CDH4: variants seen among roughly 807,000 people sequenced by gnomAD.
CDH4 encodes cadherin-4.
A neutral mutation model predicts 86.0 loss-of-function variants in CDH4; 33 were observed. That is an observed-to-expected ratio of 0.38 (90% CI 0.29 to 0.51). CDH4 has a LOEUF of 0.51. Ranked by LOEUF, CDH4 falls within the 20% of genes least tolerant of loss-of-function variation. The probability of loss-of-function intolerance (pLI) is 0.86; values close to 1 mark genes in which losing one functional copy is unlikely to be tolerated. For missense variants in CDH4, 1,114 were observed against 1,307.4 expected (o/e 0.85, Z 2.28); for synonymous variants, 555 against 549.4 (o/e 1.01, Z -0.14).
rs192291798 is a variant in CDH4, at chr20:61,408,162, G to T, written c.169+153225G>T. Among the ~76,000 whole-genome samples the T allele has an allele frequency of 3.4e-3, 519 of 152,124 alleles. 7 individuals carry two copies. The highest frequency in any genetic ancestry group is 2.3e-3 in the Admixed American group (35 of 15,298). ...TGTCCCCTGCCTCTCTCTTATAAGG[G>T]TCCCTGAGATTACACTTCATGCTCA... is the stretch of plus-strand genomic sequence containing the variant. On this transcript the variant is annotated intron_variant, in intron 2 of 15. Coordinates refer to ENST00000614565, the MANE Select transcript of CDH4 (RefSeq NM_001794.5).
At chr20:61,639,146 G>A (rs144784133) in intron 2 of CDH4, among the ~76,000 whole-genome samples, 16 of 152,328 alleles carry the variant, frequency 1.1e-4, no homozygotes, top group African/African-American at 3.1e-4. Context: ...ATCTGGCGAC[G>A]GTTCTGAGGT....
intron 2 of CDH4, among the ~76,000 whole-genome samples, chr20:61,686,170 A>T (rs1443285262): frequency 6.6e-6 from 1 of 152,194 alleles, no homozygotes; most frequent in Non-Finnish European, 1.5e-5. Flanking sequence ...AAAGAATCAG[A>T]AGTTTCACGA....
chr20:61,490,476 G>A (rs913549085), intron 2 of CDH4, among the ~76,000 whole-genome samples: 1 of 152,154 alleles, frequency 6.6e-6, no homozygotes, highest in Non-Finnish European at 1.5e-5. Flanking sequence ...CGAGGCAGGT[G>A]GATCATGAGG....
At position 61,252,711 on chromosome 20, in the gene CDH4, C is replaced by G; in HGVS notation, c.57+141C>G. 2.5e-6 allele frequency: 1 copy of G among 394,678 alleles called. No individual in the cohort carries two copies. The allele number at this position is 394,678 out of a possible 1,614,324, so 24.4% of individuals were successfully genotyped here. A position where few individuals can be genotyped will look rare whatever the true frequency, so the allele number is the denominator to read the frequency against. On this transcript the variant is annotated intron_variant, in intron 1 of 15. Coordinates refer to ENST00000614565, the MANE Select transcript of CDH4 (RefSeq NM_001794.5). This position sits in a 1 kb window ranked among gnomAD's most constrained non-coding sequence, Gnocchi z 4.4. ...GCTCCCCGCTGCATCCAGCCCGGCG[C>G]CCGCGCTCGGCGAAGCTGCCTGCGG...
At chr20:61,499,504 T>G (rs182655628) in intron 2 of CDH4, 1 of 1,288,894 alleles carries the variant, frequency 7.8e-7, no homozygotes, top group East Asian at 5.6e-5. Context: ...CAAGTGTGAG[T>G]GTGCTAGGGG....
chr20:61,832,385 G>A (rs11699410), intron 4 of CDH4, among the ~76,000 whole-genome samples: 66,485 of 152,130 alleles, frequency 0.44, 16,673 homozygotes, highest in Non-Finnish European at 0.58. Flanking sequence ...CTTGGGTTGT[G>A]GTGATGAGTA....
intron 2 of CDH4, among the ~76,000 whole-genome samples, chr20:61,352,478 A>G (rs1197382135): frequency 6.6e-6 from 1 of 152,182 alleles, no homozygotes; most frequent in Non-Finnish European, 1.5e-5. Flanking sequence ...TTTAGAAAGG[A>G]CTGCACTGGC....
chr20:61,581,502 C>A (rs1047134437), intron 2 of CDH4, among the ~76,000 whole-genome samples: 26 of 152,066 alleles, frequency 1.7e-4, no homozygotes, highest in Non-Finnish European at 3.4e-4. Flanking sequence ...GCTCTGGTCC[C>A]TCTCTACTCC....
At chr20:61,697,108 G>A (rs2087722474) in intron 2 of CDH4, among the ~76,000 whole-genome samples, 1 of 152,176 alleles carries the variant, frequency 6.6e-6, no homozygotes, top group Non-Finnish European at 1.5e-5. Context: ...ATGTGTTGCA[G>A]CAGCCCCGGG....
chr20:61,449,084 T>A (rs1006978457), intron 2 of CDH4, among the ~76,000 whole-genome samples: 4 of 152,122 alleles, frequency 2.6e-5, no homozygotes, highest in African/African-American at 9.6e-5. Flanking sequence ...CAGTTGGGGA[T>A]GGGATGGCAC....
chr20:61,830,701 C>T (rs1210910147), intron 4 of CDH4, among the ~76,000 whole-genome samples: 2 of 152,270 alleles, frequency 1.3e-5, no homozygotes, highest in Non-Finnish European at 2.9e-5. Context: ...CCCCCGAGGC[C>T]AGAATCCATC....
At chr20:61,904,177 C>T (rs112717594) in intron 8 of CDH4, among the ~76,000 whole-genome samples, 3 of 152,196 alleles carry the variant, frequency 2.0e-5, no homozygotes, top group African/African-American at 7.2e-5. Flanking sequence ...ATCGGGGCCT[C>T]CACCAGGGAT....
intron 2 of CDH4, among the ~76,000 whole-genome samples, chr20:61,618,037 G>C (rs543773123): frequency 1.3e-5 from 2 of 152,112 alleles, no homozygotes; most frequent in Non-Finnish European, 2.9e-5. Context: ...CTTCTGCCAC[G>C]ATTGCGAGGC....
At chr20:61,934,340 T>G in intron 15 of CDH4, 120 bp downstream of exon 15, 1 of 1,113,864 alleles carries the variant, frequency 9.0e-7, no homozygotes, top group South Asian at 1.7e-5. Context: ...GGGAGGCAGC[T>G]CAGACCCGGG....
intron 2 of CDH4, among the ~76,000 whole-genome samples, chr20:61,565,220 G>A (rs1233614129): frequency 0.023 from 1,223 of 52,588 alleles, 201 homozygotes; most frequent in Non-Finnish European, 0.04. Context: ...GCTCTCGGTG[G>A]TAGGTGGTGG....
chr20:61,367,452 TAAAAG>T (rs1285183680), intron 2 of CDH4, among the ~76,000 whole-genome samples: 1 of 151,094 alleles, frequency 6.6e-6, no homozygotes, highest in Non-Finnish European at 1.5e-5. Context: ...GGGAATGTGA[TAAAAG>T]AAAACCACAG....
At chr20:61,654,496 T>C (rs2087165948) in intron 2 of CDH4, among the ~76,000 whole-genome samples, 1 of 152,242 alleles carries the variant, frequency 6.6e-6, no homozygotes, top group South Asian at 2.1e-4. Flanking sequence ...GTTGATTAGT[T>C]GTGTATTTAC....
chr20:61,758,854 T>G (rs944781567), intron 3 of CDH4, among the ~76,000 whole-genome samples: 3 of 152,282 alleles, frequency 2.0e-5, no homozygotes, highest in Non-Finnish European at 4.4e-5. Context: ...CCCTCCAGCG[T>G]CTCAGCTTCT....
chr20:61,767,654 C>G (rs1332440171), intron 3 of CDH4, among the ~76,000 whole-genome samples: 2 of 152,132 alleles, frequency 1.3e-5, no homozygotes, highest in Non-Finnish European at 2.9e-5. Context: ...ATAGGCAGGG[C>G]TTTGAGGGAG....
Sources: allele counts gnomAD v4.1 joint callset (sites outside exome capture counted in the v4.1 genomes callset), GRCh38; gene constraint gnomAD v4.1.1; non-coding constraint Gnocchi (gnomAD v3.1); transcripts MANE v1.5; gene names NCBI Gene and HGNC (gene_info 2026-07-23, HGNC 2026-07-21).